The following DENND4C variants were observed in gnomAD, a reference collection of about 807,000 sequenced individuals.
The protein encoded by DENND4C is DENN domain containing 4C, also known as DENN domain-containing protein 4C.
A neutral mutation model predicts 203.0 loss-of-function variants in DENND4C; 108 were observed. The observed-to-expected ratio is 0.53, with a 90% CI of 0.46 to 0.62. DENND4C has a LOEUF of 0.62. Among genes scored for constraint, DENND4C ranks in the 20% least tolerant of loss-of-function variants. DENND4C has a pLI of 0.00. For synonymous variants in DENND4C, 871 were observed against 792.4 expected (o/e 1.10, Z -1.67); for missense variants, 2,481 against 2,301.2 (o/e 1.08, Z -1.60).
At chr9:19,353,224 A>G (rs919043327) in intron 26 of DENND4C, among the ~76,000 whole-genome samples, 3 of 152,224 alleles carry the variant, frequency 2.0e-5, no homozygotes, top group African/African-American at 7.2e-5. Flanking sequence ...AATTATACAT[A>G]AAATAATTGA....
chr9:19,284,577 A>G (rs575128736), intron 2 of DENND4C, among the ~76,000 whole-genome samples: 1 of 152,080 alleles, frequency 6.6e-6, no homozygotes, highest in Admixed American at 6.6e-5. Context: ...TCTGCCATAT[A>G]TGTGTTTTTT....
intron 26 of DENND4C, among the ~76,000 whole-genome samples, chr9:19,356,438 C>G (rs1422867786): frequency 6.6e-6 from 1 of 151,952 alleles, no homozygotes; most frequent in East Asian, 1.9e-4. Flanking sequence ...CCTTGCAAGG[C>G]CCTTCCCTCC....
At position 19,324,356 on chromosome 9, in the gene DENND4C, C is replaced by T. The variant is rs774172831; in HGVS notation, c.1808-6C>T. The stretch of plus-strand genomic sequence containing the variant: ...TTTGAATTTAATTATATTTTGTTTT[C>T]CTCAGGATTTTTAAAAAGTCGAGAT... On this transcript the variant is annotated splice_region_variant and splice_polypyrimidine_tract_variant and intron_variant, in intron 12 of 32. Coordinates refer to ENST00000434457, the MANE Select transcript of DENND4C (RefSeq NM_001330640.2). The T allele has an allele frequency of 1.3e-6, 2 of 1,580,322 alleles. No homozygotes were observed. Among genetic ancestry groups the T allele is most frequent in the Non-Finnish European group, 1.7e-6 (2 of 1,168,214 alleles).
At chr9:19,242,560 C>T (rs530638251) in intron 1 of DENND4C, among the ~76,000 whole-genome samples, 1 of 152,010 alleles carries the variant, frequency 6.6e-6, no homozygotes, top group Non-Finnish European at 1.5e-5. Context: ...TGTTAGAGTT[C>T]CTGTTCGCAT....
chr9:19,261,737 T>C (rs1195891844), intron 1 of DENND4C, among the ~76,000 whole-genome samples: 1 of 151,884 alleles, frequency 6.6e-6, no homozygotes, highest in African/African-American at 2.4e-5. Flanking sequence ...ATTGGCTCAC[T>C]CAAGCAGTCT....
At chr9:19,287,486 T>A (rs899940025) in intron 3 of DENND4C, among the ~76,000 whole-genome samples, 13 of 151,892 alleles carry the variant, frequency 8.6e-5, no homozygotes, top group African/African-American at 3.1e-4. Flanking sequence ...GCTCAAGTGA[T>A]CTTCCCACCT....
At chr9:19,302,730 C>G (rs139057186) in intron 9 of DENND4C, among the ~76,000 whole-genome samples, 575 of 152,342 alleles carry the variant, frequency 3.8e-3, no homozygotes, top group African/African-American at 0.013. Context: ...TTCCACTCCT[C>G]TTCCTCTTGC....
At chr9:19,241,609 C>T (rs1174516116) in intron 1 of DENND4C, among the ~76,000 whole-genome samples, 4 of 151,598 alleles carry the variant, frequency 2.6e-5, no homozygotes. Flanking sequence ...TTATCAATAT[C>T]AGTGTCTTCT....
At chr9:19,328,209 T>C (rs1211045775) in intron 16 of DENND4C, 47 bp downstream of exon 16, 24 of 1,544,060 alleles carry the variant, frequency 1.6e-5, no homozygotes, top group Non-Finnish European at 2.1e-5. Context: ...ATGTAAAATA[T>C]GTATATGTGA....
intron 1 of DENND4C, among the ~76,000 whole-genome samples, chr9:19,234,958 T>TC (rs1379191137): frequency 6.6e-6 from 1 of 152,040 alleles, no homozygotes; most frequent in African/African-American, 2.4e-5. Flanking sequence ...TTCTTTTTTT[T>TC]TTTTTTCTTT....
intron 1 of DENND4C, among the ~76,000 whole-genome samples, chr9:19,252,575 C>T (rs1826897857): frequency 2.6e-5 from 4 of 152,084 alleles, no homozygotes; most frequent in Admixed American, 2.6e-4. Flanking sequence ...GAGTGAGATC[C>T]TGTCTCTTAA....
chr9:19,336,624 A>G, intron 19 of DENND4C, 62 bp from the exon 20 acceptor site: 1 of 1,492,318 alleles, frequency 6.7e-7, no homozygotes, highest in South Asian at 1.3e-5. Context: ...TGGGTCAATC[A>G]TGTTTAGTTT....
At chr9:19,305,093 C>A (rs1588882449) in intron 9 of DENND4C, among the ~76,000 whole-genome samples, 1 of 151,862 alleles carries the variant, frequency 6.6e-6, no homozygotes, top group Admixed American at 6.6e-5. Context: ...TGTATAGATA[C>A]TAGAAGAATT....
chr9:19,300,183 C>G lies in DENND4C; in HGVS notation c.1167-4C>G, dbSNP rs62562705. 7.6e-6 allele frequency: 12 copies of G among 1,583,592 alleles called. No individual in the cohort carries two copies. In the South Asian group the frequency reaches 8.1e-5, roughly 11 times the overall value. ...TGATCTACTTTTCTCTTTTTTTTCC[C>G]TAGTGGAGCCAACTTTAGCACCTTG... On this transcript the variant is annotated splice_region_variant and splice_polypyrimidine_tract_variant and intron_variant, in intron 8 of 32. Transcript: ENST00000434457.
chr9:19,359,489 C>G (rs1826026795), intron 28 of DENND4C, among the ~76,000 whole-genome samples: 1 of 151,882 alleles, frequency 6.6e-6, no homozygotes, highest in East Asian at 1.9e-4. Flanking sequence ...TTTGACACAA[C>G]TCTAGTAGCA....
intron 10 of DENND4C, among the ~76,000 whole-genome samples, chr9:19,311,572 T>C (rs1424215923): frequency 6.6e-6 from 1 of 152,132 alleles, no homozygotes; most frequent in African/African-American, 2.4e-5. Context: ...CTAGAAATTG[T>C]CAAAAGACCA....
intron 1 of DENND4C, among the ~76,000 whole-genome samples, chr9:19,273,612 A>G (rs930631341): frequency 3.3e-5 from 5 of 152,052 alleles, no homozygotes; most frequent in Non-Finnish European, 5.9e-5. Context: ...AAAAAAATGG[A>G]CAAAAGATTT....
chr9:19,314,741 A>T (rs12005283), intron 10 of DENND4C, among the ~76,000 whole-genome samples: 303 of 152,330 alleles, frequency 2.0e-3, no homozygotes, highest in African/African-American at 6.8e-3. Flanking sequence ...TAAAGGTACA[A>T]CCAGTGTTCC....
intron 23 of DENND4C, among the ~76,000 whole-genome samples, chr9:19,349,814 T>G (rs1448706726): frequency 6.6e-6 from 1 of 152,144 alleles, no homozygotes; most frequent in African/African-American, 2.4e-5. Context: ...AGAAGAAAAT[T>G]TAATGACATT....
Sources: gnomAD v4.1 joint callset for allele counts (sites outside exome capture counted in the v4.1 genomes callset) on GRCh38, gnomAD v4.1.1 for gene constraint, MANE v1.5 for transcripts, NCBI Gene and HGNC (gene_info 2026-07-23, HGNC 2026-07-21) for gene names.